RGL3: variants seen among roughly 807,000 people sequenced by gnomAD.
RGL3 encodes the protein ral guanine nucleotide dissociation stimulator like 3.
RGL3 carries 85 observed loss-of-function variants against 90.6 expected under a neutral mutation model. The observed-to-expected ratio is 0.94, with a 90% CI of 0.79 to 1.12. The LOEUF is 1.12. Ranked by LOEUF, RGL3 falls within the 50% of genes most tolerant of loss-of-function variation. The probability of loss-of-function intolerance (pLI) is 0.00; values close to 1 mark genes in which losing one functional copy is unlikely to be tolerated. For missense variants in RGL3, 1,034 were observed against 939.2 expected (o/e 1.10, Z -1.32); for synonymous variants, 408 against 385.5 (o/e 1.06, Z -0.68).
chr19:11,405,212 T>C lies in RGL3; in HGVS notation c.1120A>G (p.Arg374Gly). 6.2e-7 allele frequency: 1 copy of C among 1,614,092 alleles called. No homozygotes were observed. Among genetic ancestry groups the C allele is most frequent in the African/African-American group, 1.3e-5 (1 of 75,020 alleles). Residue 374 changes from arginine to glycine, a missense_variant, in exon 9 of 19, where the codon AGG becomes GGG. Coordinates refer to ENST00000380456, the MANE Select transcript of RGL3 (RefSeq NM_001035223.4). ...TCGGAGAAAATCTGCGAAAGTTTCC[T>C]GAAAGTAGATAGCGGTTCCCTGGAA... ...AVSREPLSTF[R>G]KLSQIFSDEN...
chr19:11,404,969 G>A (rs1968743516), intron 9 of RGL3, among the ~76,000 whole-genome samples, 178 bp downstream of exon 9: 1 of 152,092 alleles, frequency 6.6e-6, no homozygotes, highest in African/African-American at 2.4e-5. Context: ...CAACTATAAC[G>A]CAGGAAGTAG....
Position 11,405,320 on chromosome 19 carries a change from C to G in RGL3, c.1100+3G>C. On this transcript the variant is annotated splice_donor_region_variant and intron_variant, in intron 8 of 18. Transcript: ENST00000380456. The stretch of plus-strand genomic sequence containing the variant: ...CTGGGGAACAGGTCCCGCCCCAGCT[C>G]ACCGGCTCACTGCCCCCCAGCTGCG... 1 of 1,613,376 alleles carries G rather than the reference C, an allele frequency of 6.2e-7. No homozygotes were observed. Among genetic ancestry groups the G allele is most frequent in the Non-Finnish European group, 8.5e-7 (1 of 1,179,694 alleles).
chr19:11,402,910 C>A (rs1048551469), intron 9 of RGL3, among the ~76,000 whole-genome samples: 6 of 152,026 alleles, frequency 3.9e-5, no homozygotes, highest in Non-Finnish European at 8.8e-5. Flanking sequence ...GAGTTCCAGA[C>A]CACCCTGGCC....
chr19:11,416,958 A>T lies in RGL3; in HGVS notation c.249T>A (p.Phe83Leu). The T allele has an allele frequency of 6.2e-7, 1 of 1,614,026 alleles. No homozygotes were observed. Among genetic ancestry groups the T allele is most frequent in the Non-Finnish European group, 8.5e-7 (1 of 1,179,990 alleles). The change falls in exon 3 of 19, where the codon TTT becomes TTA. Residue 83 changes from phenylalanine (F) to leucine (L), a missense_variant. Phe to Leu is a conservative substitution (Grantham distance 22). Transcript: ENST00000380456. ...RLERLVGELV[F>L]GDREQDPSFM... is the part of the protein sequence containing the mutation. ...AGCTGGGGTCCTGCTCACGGTCTCC[A>T]AACACCAACTCTCCCACCAGCCGCT...
intron 18 of RGL3, among the ~76,000 whole-genome samples, chr19:11,396,536 G>A (rs1238518955): frequency 6.6e-6 from 1 of 151,278 alleles, no homozygotes; most frequent in Non-Finnish European, 1.5e-5. Context: ...AAACTCCTGA[G>A]CTCAGACAAT....
intron 5 of RGL3, chr19:11,408,639 T>C (rs1968823280): frequency 6.6e-6 from 1 of 151,496 alleles, no homozygotes; most frequent in South Asian, 2.1e-4. Context: ...TGAACAAATA[T>C]GAATAATTTT....
intron 1 of RGL3, 106 bp downstream of exon 1, chr19:11,419,140 G>T (rs992090677): frequency 2.3e-6 from 3 of 1,281,778 alleles, no homozygotes; most frequent in East Asian, 2.6e-5. Context: ...GGACTCCAGG[G>T]CAAGTTCAGA....
At chr19:11,414,375 ATATATATATACCTT>A (rs1272805729) in intron 5 of RGL3, among the ~76,000 whole-genome samples, 5 of 121,534 alleles carry the variant, frequency 4.1e-5, no homozygotes, top group East Asian at 2.1e-4. Flanking sequence ...ATACCTTTAT[ATATATATATACCTT>A]TATATATATA....
chr19:11,402,653 G>A lies in RGL3; in HGVS notation c.1239C>T (p.Pro413=), dbSNP rs1968700969. 3.1e-6 allele frequency: 5 copies of A among 1,613,908 alleles called. No homozygotes were observed. Among genetic ancestry groups the A allele is most frequent in the Non-Finnish European group, 4.2e-6 (5 of 1,179,944 alleles). The change falls in exon 10 of 19, where the codon CCC becomes CCT. Residue 413 remains proline, a synonymous_variant. Transcript: ENST00000380456. ...QEEDNTPGSL[P]SKPPPGPVPY... is the part of the protein sequence containing the mutation. Reference sequence around the variant, plus strand: ...ATCCCAAACTGTAATCACTCACTGAGGGCAGGCTGCCTGGGGTGTTGTCCT... The same window carrying A: ...ATCCCAAACTGTAATCACTCACTGAAGGCAGGCTGCCTGGGGTGTTGTCCT...
chr19:11,394,580 G>A, intron 18 of RGL3, 60 bp from the exon 19 acceptor site: 1 of 1,313,004 alleles, frequency 7.6e-7, no homozygotes. Flanking sequence ...CCCCCACAGA[G>A]GACCCGGGAG....
In RGL3 at chr19:11,416,082, G is replaced by A; in HGVS notation, c.492C>T (p.Ala164=). Residue 164 remains alanine (A), a synonymous_variant, in exon 5 of 19, where the codon GCC becomes GCT. Coordinates refer to ENST00000380456, the MANE Select transcript of RGL3 (RefSeq NM_001035223.4). ...DHPQDFRDHP[A]HSDLGSVRTF... is the part of the protein sequence containing the mutation. ...TTCGGACACTGCCCAGGTCCGAATG[G>A]GCAGGGTGGTCTCGGAAATCCTGAG... 6.2e-7 allele frequency: 1 copy of A among 1,611,042 alleles called. No individual in the cohort carries two copies. The highest frequency in any genetic ancestry group is 8.5e-7 in the Non-Finnish European group (1 of 1,178,944).
At chr19:11,397,113 C>T in intron 18 of RGL3, 131 bp downstream of exon 18, 2 of 697,914 alleles carry the variant, frequency 2.9e-6, no homozygotes, top group South Asian at 3.5e-5. Context: ...GATTATCTTA[C>T]CCCTACTCTC....
intron 16 of RGL3, 110 bp from the exon 17 acceptor site, chr19:11,397,707 T>A: frequency 1.8e-6 from 2 of 1,138,374 alleles, no homozygotes; most frequent in Non-Finnish European, 2.4e-6. Flanking sequence ...GCCCCACATT[T>A]AAAATCTCAA....
intron 16 of RGL3, among the ~76,000 whole-genome samples, chr19:11,398,279 C>T (rs1358896652): frequency 6.6e-6 from 1 of 152,162 alleles, no homozygotes; most frequent in East Asian, 1.9e-4. Flanking sequence ...CAATGAACAA[C>T]CCCACACATG....
chr19:11,414,153 A>ATATATATATATATACACACC (rs1968921447), intron 5 of RGL3, among the ~76,000 whole-genome samples: 6 of 85,010 alleles, frequency 7.1e-5, no homozygotes, highest in South Asian at 4.9e-4. Flanking sequence ...ATATATATAT[A>ATATATATATATATACACACC]TATATATATA....
At chr19:11,405,567 G>A in intron 7 of RGL3, 141 bp from the exon 8 acceptor site, 1 of 672,904 alleles carries the variant, frequency 1.5e-6, no homozygotes, top group African/African-American at 2.0e-5. Flanking sequence ...GCCCAGGCTG[G>A]AGTGCAGTGG....
intron 14 of RGL3, 46 bp from the exon 15 acceptor site, chr19:11,400,154 G>A (rs755968851): frequency 6.4e-7 from 1 of 1,574,788 alleles, no homozygotes; most frequent in African/African-American, 1.4e-5. Flanking sequence ...AGCAGCCCTT[G>A]CTGATATCTG....
rs561089717 is a variant in RGL3, at chr19:11,411,553, T to C, written c.637+4384A>G. 2.0e-5 allele frequency: 3 copies of C among 152,112 alleles called. 1 individual carries two copies. Among genetic ancestry groups the C allele is most frequent in the African/African-American group, 7.2e-5 (3 of 41,496 alleles). 9.4% of individuals were successfully genotyped at this position (152,112 alleles called of 1,614,324 possible). ...GAGTTCAAGCCCAGCCCAGGCAAAATAGGAAAACCCAGTGTCCAAAAAAAG... is the reference window on the plus strand; with the variant it reads ...GAGTTCAAGCCCAGCCCAGGCAAAACAGGAAAACCCAGTGTCCAAAAAAAG... On this transcript the variant is annotated intron_variant, in intron 5 of 18. Coordinates refer to ENST00000380456, the MANE Select transcript of RGL3 (RefSeq NM_001035223.4).
intron 9 of RGL3, among the ~76,000 whole-genome samples, 166 bp downstream of exon 9, chr19:11,404,981 G>A (rs977575438): frequency 6.6e-6 from 1 of 152,096 alleles, no homozygotes; most frequent in Admixed American, 6.6e-5. Context: ...AGGAAGTAGA[G>A]GAAAGAAAAA....
Sources: gnomAD v4.1 joint callset for allele counts (sites outside exome capture counted in the v4.1 genomes callset) on GRCh38, gnomAD v4.1.1 for gene constraint, MANE v1.5 for transcripts, NCBI Gene and HGNC (gene_info 2026-07-23, HGNC 2026-07-21) for gene names.